The following ANXA4 variants were observed in gnomAD, a reference collection of about 807,000 sequenced individuals.
The protein encoded by ANXA4 is 35-beta calcimedin.
ANXA4 carries 39 observed loss-of-function variants against 49.8 expected under a neutral mutation model. The observed-to-expected ratio is 0.78, with a 90% CI of 0.61 to 1.02. The LOEUF (loss-of-function observed/expected upper bound fraction) is 1.02. Among genes scored for constraint, ANXA4 ranks in the 50% least tolerant of loss-of-function variants. The pLI is 0.00. For synonymous variants in ANXA4, 134 were observed against 152.5 expected, an observed-to-expected ratio of 0.88 and a Z score of 0.89; for missense variants, 360 against 410.1, an observed-to-expected ratio of 0.88 and a Z score of 1.05.
intron 2 of ANXA4, among the ~76,000 whole-genome samples, chr2:69,680,652 C>A (rs768948941): frequency 2.0e-5 from 3 of 152,028 alleles, no homozygotes; most frequent in Non-Finnish European, 2.9e-5. Context: ...TCCTATATGG[C>A]CTTTAGTATG....
intron 1 of ANXA4, among the ~76,000 whole-genome samples, chr2:69,763,414 GT>G (rs896769289): frequency 2.6e-5 from 4 of 152,000 alleles, no homozygotes; most frequent in South Asian, 4.1e-4. Context: ...AGGGCTTTTT[GT>G]TTTTTCCCCA....
At chr2:69,660,894 A>G (rs567795998) in intron 2 of ANXA4, among the ~76,000 whole-genome samples, 1 of 152,186 alleles carries the variant, frequency 6.6e-6, no homozygotes, top group South Asian at 2.1e-4. Flanking sequence ...GAAGATGACA[A>G]TGGCTGAGAA....
At chr2:69,774,438 A>C (rs959489818) in intron 1 of ANXA4, among the ~76,000 whole-genome samples, 3 of 145,152 alleles carry the variant, frequency 2.1e-5, no homozygotes, top group Non-Finnish European at 1.5e-5. Context: ...TCCCAGGTTC[A>C]AGTGATTCTT....
chr2:69,761,740 G>A lies in ANXA4; in HGVS notation c.-47+19565G>A, dbSNP rs1460923304. On this transcript the variant is annotated intron_variant, in intron 1 of 12. Coordinates refer to ENST00000394295, the MANE Select transcript of ANXA4 (RefSeq NM_001153.5). ...GTTCAAGACCAGCCTGGACAACATG[G>A]TGAGACCCCGTCTGTGACAGAGCAA... Among the ~76,000 whole-genome samples the A allele has an allele frequency of 4.7e-5, 7 of 150,420 alleles. No individual in the cohort carries two copies. The East Asian group carries it at 1.4e-3, about 29-fold the overall frequency.
At chr2:69,681,572 T>C (rs1176179877) in intron 2 of ANXA4, among the ~76,000 whole-genome samples, 1 of 152,092 alleles carries the variant, frequency 6.6e-6, no homozygotes, top group Non-Finnish European at 1.5e-5. Flanking sequence ...ACCATGTTGG[T>C]CCACCTGCCT....
chr2:69,679,487 T>C lies in ANXA4; in HGVS notation n.766+26205T>C, dbSNP rs145757624. On this transcript the variant is annotated intron_variant and non_coding_transcript_variant, in intron 2 of 3. Transcript: ENST00000418066. ...ACTTCGTTGATTGTTTCCTTTGCTG[T>C]GCAGAAGTTTTTTAGTTTAATATAG... Among the ~76,000 whole-genome samples the C allele has an allele frequency of 3.0e-3, 452 of 152,350 alleles. 6 individuals carry two copies. Among genetic ancestry groups the C allele is most frequent in the African/African-American group, 0.011 (437 of 41,574 alleles).
At chr2:69,707,770 A>G (rs1234530409) in intron 2 of ANXA4, among the ~76,000 whole-genome samples, 12 of 152,320 alleles carry the variant, frequency 7.9e-5, no homozygotes, top group Non-Finnish European at 1.5e-5. Flanking sequence ...TAAAATGTAC[A>G]ATTAAATTAT....
At chr2:69,716,654 A>G (rs996726839) in intron 2 of ANXA4, among the ~76,000 whole-genome samples, 1 of 152,116 alleles carries the variant, frequency 6.6e-6, no homozygotes, top group Non-Finnish European at 1.5e-5. Context: ...GGTCTGAGAG[A>G]CAGCACAACA....
chr2:69,710,223 G>A (rs1678634558), intron 2 of ANXA4, among the ~76,000 whole-genome samples: 1 of 152,082 alleles, frequency 6.6e-6, no homozygotes, highest in Non-Finnish European at 1.5e-5. Context: ...CTGACCTTGT[G>A]ATCTGCCCAC....
intron 2 of ANXA4, among the ~76,000 whole-genome samples, chr2:69,709,059 C>G (rs1678593911): frequency 1.3e-5 from 2 of 152,152 alleles, no homozygotes; most frequent in Admixed American, 1.3e-4. Flanking sequence ...CTGATATGAA[C>G]CAAATCACTG....
chr2:69,722,076 G>T (rs1402023600), intron 3 of ANXA4, among the ~76,000 whole-genome samples: 1 of 152,170 alleles, frequency 6.6e-6, no homozygotes, highest in Admixed American at 6.5e-5. Flanking sequence ...AAAATGACCA[G>T]TGTTTTATAA....
chr2:69,785,717 G>C (rs953412843), intron 2 of ANXA4, among the ~76,000 whole-genome samples: 1 of 152,172 alleles, frequency 6.6e-6, no homozygotes, highest in Non-Finnish European at 1.5e-5. Flanking sequence ...CACACAGCTA[G>C]AAAGAGGTAA....
chr2:69,756,000 C>T (rs1671026263), intron 1 of ANXA4, among the ~76,000 whole-genome samples: 1 of 152,154 alleles, frequency 6.6e-6, no homozygotes, highest in Non-Finnish European at 1.5e-5. Flanking sequence ...TAATGGGGTG[C>T]TACTGACCAT....
At chr2:69,664,520 G>A (rs1360730122) in intron 2 of ANXA4, among the ~76,000 whole-genome samples, 1 of 152,100 alleles carries the variant, frequency 6.6e-6, no homozygotes, top group African/African-American at 2.4e-5. Context: ...CACATCAATG[G>A]TATCAATCAG....
At chr2:69,740,853 A>ATTTTTT (rs1351976946), upstream of ANXA4, among the ~76,000 whole-genome samples, 1 of 84,316 alleles carries the variant, frequency 1.2e-5, no homozygotes, top group African/African-American at 5.3e-5. Flanking sequence ...GGCTATATAT[A>ATTTTTT]TGTTTTTTTT....
At position 69,820,827 on chromosome 2, in the gene ANXA4, T is replaced by C; in HGVS notation, c.906+6T>C. 1 of 1,613,638 alleles carries C rather than the reference T, an allele frequency of 6.2e-7. No homozygotes were observed. Among genetic ancestry groups the C allele is most frequent in the Non-Finnish European group, 8.5e-7 (1 of 1,179,754 alleles). On this transcript the variant is annotated splice_donor_region_variant and intron_variant, in intron 12 of 12. Transcript: ENST00000394295. ...CTCTGTACTCGTTCATCAAGGTAGG[T>C]CACAGCAGCCTAAGTCCAGAGTAAA...
intron 2 of ANXA4, among the ~76,000 whole-genome samples, chr2:69,700,837 G>A (rs957195195): frequency 3.3e-5 from 5 of 152,102 alleles, no homozygotes; most frequent in African/African-American, 1.2e-4. Flanking sequence ...GTTTGGCAGT[G>A]GAATCACTTG....
chr2:69,740,861 T>G (rs112113086), upstream of ANXA4, among the ~76,000 whole-genome samples: 32 of 140,850 alleles, frequency 2.3e-4, no homozygotes, highest in Middle Eastern at 6.9e-3. Flanking sequence ...ATATGTTTTT[T>G]TTTTTTTTTT....
intron 1 of ANXA4, among the ~76,000 whole-genome samples, chr2:69,765,521 G>T (rs1671460917): frequency 1.3e-5 from 2 of 152,158 alleles, no homozygotes; most frequent in Non-Finnish European, 2.9e-5. Flanking sequence ...ATCACCCCTT[G>T]ATGTTGCCTC....
Sources: gnomAD v4.1 joint callset for allele counts (sites outside exome capture counted in the v4.1 genomes callset) on GRCh38, gnomAD v4.1.1 for gene constraint, MANE v1.5 for transcripts, NCBI Gene and HGNC (gene_info 2026-07-23, HGNC 2026-07-21) for gene names.